Variants in RAP1GAP observed in about 807,000 individuals in gnomAD.
RAP1GAP encodes RAP1 GTPase activating protein.
Under a neutral mutation model 87.2 loss-of-function variants are expected in RAP1GAP, and 35 were observed. The ratio of observed to expected loss-of-function variants is 0.40; its 90% CI spans 0.31 to 0.53. The LOEUF is 0.53. Among genes scored for constraint, RAP1GAP ranks in the 20% least tolerant of loss-of-function variants. RAP1GAP has a pLI of 0.48. For synonymous variants in RAP1GAP, 375 were observed against 363.9 expected (o/e 1.03, Z -0.35); for missense variants, 734 against 898.9 (o/e 0.82, Z 2.35).
intron 2 of RAP1GAP, among the ~76,000 whole-genome samples, chr1:21,641,993 A>T (rs1467973916): frequency 6.6e-6 from 1 of 152,092 alleles, no homozygotes; most frequent in Non-Finnish European, 1.5e-5. Flanking sequence ...GCACCTCCTC[A>T]CTGCCTCTCA....
chr1:21,660,494 C>T (rs1032902406), intron 1 of RAP1GAP, among the ~76,000 whole-genome samples: 5 of 151,024 alleles, frequency 3.3e-5, no homozygotes, highest in South Asian at 2.1e-4. Flanking sequence ...CCACCATGCC[C>T]GGCTGATTTT....
rs369802096 is a variant in RAP1GAP, at chr1:21,596,916, C to T, written c.*383G>A. 4.6e-5 allele frequency: 7 copies of T among 152,384 alleles called. No homozygotes were observed. The highest frequency in any genetic ancestry group is 1.7e-4 in the African/African-American group (7 of 41,446). 9.4% of individuals were successfully genotyped at this position (152,384 alleles called of 1,614,324 possible). On this transcript the variant is annotated 3_prime_UTR_variant, in exon 25 of 25. Coordinates refer to ENST00000374765, the MANE Select transcript of RAP1GAP (RefSeq NM_002885.4). ...CTGCCTCCAGGGGCTAAGCTCTCCA[C>T]ACGGAGCTGTCTCAAACTCTCTCTC...
At position 21,613,758 on chromosome 1, in the gene RAP1GAP, G is replaced by A. The variant is rs1192519024; in HGVS notation, c.396-52C>T. On this transcript the variant is annotated intron_variant, in intron 8 of 24. Transcript: ENST00000374765. This position sits in a 1 kb window ranked among gnomAD's most constrained non-coding sequence, Gnocchi z 4.7. ...GGCCTGGGCAGCAGGACAGGAAAAT[G>A]GGAACCCCACCCCCCACAAAGTAAG... The A allele has an allele frequency of 2.0e-6, 3 of 1,523,136 alleles. No homozygotes were observed. Among genetic ancestry groups the A allele is most frequent in the South Asian group, 1.1e-5 (1 of 89,258 alleles). The allele number at this position is 1,523,136 out of a possible 1,614,324, so 94.4% of individuals were successfully genotyped here.
chr1:21,653,663 C>T (rs867339589), intron 1 of RAP1GAP, among the ~76,000 whole-genome samples: 1 of 151,832 alleles, frequency 6.6e-6, no homozygotes, highest in Admixed American at 6.6e-5. Flanking sequence ...TCCCTCCCTC[C>T]TTCCTAAGTA....
At chr1:21,599,966 G>A (rs527803461) in intron 20 of RAP1GAP, among the ~76,000 whole-genome samples, 2 of 152,252 alleles carry the variant, frequency 1.3e-5, no homozygotes, top group African/African-American at 2.4e-5. Flanking sequence ...ACTCTGCACC[G>A]GGCACTGCTC....
Position 21,609,672 on chromosome 1 carries a change from C to G in RAP1GAP, c.1000-26G>C. 1 of 1,527,928 alleles carries G rather than the reference C, an allele frequency of 6.5e-7. No homozygotes were observed. The highest frequency in any genetic ancestry group is 8.8e-7 in the Non-Finnish European group (1 of 1,132,710). The allele number at this position is 1,527,928 out of a possible 1,614,324, so 94.6% of individuals were successfully genotyped here. A position where few individuals can be genotyped will look rare whatever the true frequency, so the allele number is the denominator to read the frequency against. On this transcript the variant is annotated intron_variant, in intron 14 of 24. Coordinates refer to ENST00000374765, the MANE Select transcript of RAP1GAP (RefSeq NM_002885.4). The surrounding 1 kb of genome is among the most constrained non-coding windows in gnomAD (Gnocchi z 4.4). Reference sequence around the variant, plus strand: ...CTGGAAGGGAGGGCAGCTGTCTGTTCCTGTGGAGCCTGGGGTCTGCTCTGC... The same window carrying G: ...CTGGAAGGGAGGGCAGCTGTCTGTTGCTGTGGAGCCTGGGGTCTGCTCTGC...
At chr1:21,653,588 CT>C (rs2096731508) in intron 1 of RAP1GAP, among the ~76,000 whole-genome samples, 1 of 98,478 alleles carries the variant, frequency 1.0e-5, no homozygotes, top group Non-Finnish European at 2.5e-5. Context: ...TCCTTCCTTC[CT>C]TCCTCCCTCC....
chr1:21,639,676 G>A (rs1007214392), intron 2 of RAP1GAP, among the ~76,000 whole-genome samples: 2 of 152,224 alleles, frequency 1.3e-5, no homozygotes, highest in Non-Finnish European at 2.9e-5. Context: ...GTGGGGGCAG[G>A]CGGGGGGCAC....
intron 5 of RAP1GAP, among the ~76,000 whole-genome samples, chr1:21,618,426 AG>A (rs1321506603): frequency 6.6e-6 from 1 of 152,028 alleles, no homozygotes; most frequent in Non-Finnish European, 1.5e-5. Context: ...CTGGTCTTCT[AG>A]GGTCTCTGGG....
intron 1 of RAP1GAP, among the ~76,000 whole-genome samples, chr1:21,662,496 G>C (rs1328782645): frequency 1.3e-5 from 2 of 152,138 alleles, no homozygotes; most frequent in Non-Finnish European, 2.9e-5. Context: ...AGGAACCCCT[G>C]AAAAGTTGTC....
At chr1:21,623,703 G>A (rs1387110954) in intron 3 of RAP1GAP, among the ~76,000 whole-genome samples, 1 of 152,214 alleles carries the variant, frequency 6.6e-6, no homozygotes. Context: ...TTCCAGACAC[G>A]GTGTAGCTTT....
rs2097438988 is a variant in RAP1GAP, at chr1:21,668,190, T to G, written c.-149+1064A>C. Among the ~76,000 whole-genome samples the G allele has an allele frequency of 2.0e-5, 3 of 152,272 alleles. No individual in the cohort carries two copies. The South Asian group carries it at 6.2e-4, about 32-fold the overall frequency. On this transcript the variant is annotated intron_variant, in intron 1 of 24. Coordinates refer to ENST00000374765, the MANE Select transcript of RAP1GAP (RefSeq NM_002885.4). This position sits in a 1 kb window ranked among gnomAD's most constrained non-coding sequence, Gnocchi z 6.2. ...ACCTGTGCAGGGGGGGCCAGGAGCCTCCTGAGAGCCTCATATGGGGAGGAA... is the reference window on the plus strand; with the variant it reads ...ACCTGTGCAGGGGGGGCCAGGAGCCGCCTGAGAGCCTCATATGGGGAGGAA...
rs765205175 is a variant in RAP1GAP, at chr1:21,597,718, G to A, written c.*2C>T. ...GTTTCACCTTCAGAGGGGGTGGCCC[G>A]GCTAACAGCCCTGCAGACAGACAGT... On this transcript the variant is annotated 3_prime_UTR_variant, in exon 24 of 25. Transcript: ENST00000374765. The A allele has an allele frequency of 1.3e-5, 21 of 1,613,534 alleles. No homozygotes were observed. The highest frequency in any genetic ancestry group is 1.6e-5 in the Non-Finnish European group (19 of 1,179,690).
In RAP1GAP at chr1:21,603,120, C is replaced by T; in HGVS notation, c.1429-207G>A. 1.8e-6 allele frequency: 1 copy of T among 564,298 alleles called. No homozygotes were observed. The highest frequency in any genetic ancestry group is 3.2e-6 in the Non-Finnish European group (1 of 314,678). 35.0% of individuals were successfully genotyped at this position (564,298 alleles called of 1,614,324 possible). A position where few individuals can be genotyped will look rare whatever the true frequency, so the allele number is the denominator to read the frequency against. ...GGAGGGCAAGGGGCTCTCCCGAGCT[C>T]ACACGGCAGGACTGCACGTCAATAC... On this transcript the variant is annotated intron_variant, in intron 18 of 24. Transcript: ENST00000374765. This position sits in a 1 kb window ranked among gnomAD's most constrained non-coding sequence, Gnocchi z 6.0.
rs1200631572 is a variant in RAP1GAP at position 21,603,253 on chromosome 1, TAAGGGCAGTGGTCA to T, written c.1429-354_1429-341del. The T allele has an allele frequency of 1.0e-5, 4 of 396,694 alleles. No individual in the cohort carries two copies. The highest frequency in any genetic ancestry group is 1.4e-5 in the Non-Finnish European group (3 of 218,452). 24.6% of individuals were successfully genotyped at this position (396,694 alleles called of 1,614,324 possible). ...CCAGGGCTCTGTGGGATCTGCAGCC[TAAGGGCAGTGGTCA>T]GAGGGCAGTGTAGCAACCCAAGTCC... On this transcript the variant is annotated intron_variant, in intron 18 of 24. Transcript: ENST00000374765. The surrounding 1 kb of genome is among the most constrained non-coding windows in gnomAD (Gnocchi z 6.0).
Position 21,617,345 on chromosome 1 carries a change from G to T in RAP1GAP, c.252C>A (p.Asn84Lys). ...GCTTCCGGTAGATGCGGGCTGTGGG[G>T]TTGCACTCGAGCTTCACCTTGGTTG... ...SPTTKVKLEC[N>K]PTARIYRKHF... Residue 84 changes from asparagine to lysine, a missense_variant, in exon 7 of 25, where the codon AAC becomes AAA. This residue lies in a region of RAP1GAP where 485 missense variants were observed against 646.2 expected (regional missense o/e 0.75). Transcript: ENST00000374765. 1 of 1,595,722 alleles carries T rather than the reference G, an allele frequency of 6.3e-7. No homozygotes were observed. The highest frequency in any genetic ancestry group is 8.5e-7 in the Non-Finnish European group (1 of 1,171,018).
intron 1 of RAP1GAP, among the ~76,000 whole-genome samples, chr1:21,656,263 T>C (rs376932722): frequency 2.6e-5 from 4 of 151,914 alleles, no homozygotes; most frequent in East Asian, 3.9e-4. Flanking sequence ...AAACCCCGTC[T>C]CTATTAAAAA....
Position 21,634,168 on chromosome 1 carries a change from G to A in RAP1GAP, c.-112-7771C>T, listed in dbSNP as rs1460982502. On this transcript the variant is annotated intron_variant, in intron 2 of 24. Transcript: ENST00000374765. This position sits in a 1 kb window ranked among gnomAD's most constrained non-coding sequence, Gnocchi z 4.1. ...TGCCAAAGTGCCAGGGAAGGTGGCC[G>A]GGGCAGCCAGTTGAGCAGGTTTCCA... is the stretch of plus-strand genomic sequence containing the variant. Among the ~76,000 whole-genome samples, 9 of 152,116 alleles carry A rather than the reference G, an allele frequency of 5.9e-5. No homozygotes were observed. Among genetic ancestry groups the A allele is most frequent in the South Asian group, 2.1e-4 (1 of 4,810 alleles).
At chr1:21,610,394 T>G (rs763192867) in intron 13 of RAP1GAP, 119 bp from the exon 14 acceptor site, 47 of 1,072,964 alleles carry the variant, frequency 4.4e-5, no homozygotes, top group Non-Finnish European at 6.1e-5. Context: ...AGGATTTGCT[T>G]TCCCCAAAAT....
Sources: gnomAD v4.1 joint callset for allele counts (sites outside exome capture counted in the v4.1 genomes callset) on GRCh38, gnomAD v4.1.1 for gene constraint, gnomAD v4.1.1 regional missense constraint, Gnocchi (gnomAD v3.1) non-coding constraint, MANE v1.5 for transcripts, NCBI Gene and HGNC (gene_info 2026-07-23, HGNC 2026-07-21) for gene names.